PRKN: variants seen among roughly 807,000 people sequenced by gnomAD.
PRKN encodes E3 ubiquitin-protein ligase parkin.
Under a neutral mutation model 59.5 loss-of-function variants are expected in PRKN, and 56 were observed. That is an observed-to-expected ratio of 0.94 (90% CI 0.76 to 1.18). PRKN has a LOEUF of 1.18. Ranked by LOEUF, PRKN falls within the 50% of genes most tolerant of loss-of-function variation. The pLI is 0.00. For synonymous variants in PRKN, 250 were observed against 222.1 expected, an observed-to-expected ratio of 1.13 and a Z score of -1.12; for missense variants, 657 against 596.4, an observed-to-expected ratio of 1.10 and a Z score of -1.06.
chr6:162,055,238 A>G (rs1336005547), intron 4 of PRKN, among the ~76,000 whole-genome samples: 2 of 152,238 alleles, frequency 1.3e-5, no homozygotes, highest in African/African-American at 2.4e-5. Flanking sequence ...GATCAGGAGC[A>G]GCAAATTTCC....
intron 2 of PRKN, among the ~76,000 whole-genome samples, chr6:162,356,747 T>TAA (rs748212596): frequency 1.3e-3 from 95 of 72,996 alleles, no homozygotes; most frequent in Middle Eastern, 0.012. Context: ...TGATTATTAG[T>TAA]AAAAAAAAAA....
intron 6 of PRKN, among the ~76,000 whole-genome samples, chr6:161,929,868 A>AAT (rs1779108918): frequency 1.3e-5 from 2 of 152,210 alleles, no homozygotes; most frequent in Admixed American, 1.3e-4. Context: ...GAAGCCCAAG[A>AAT]ATAATGTCTG....
chr6:161,809,218 G>A (rs1324940791), intron 6 of PRKN, among the ~76,000 whole-genome samples: 1 of 152,046 alleles, frequency 6.6e-6, no homozygotes, highest in Non-Finnish European at 1.5e-5. Flanking sequence ...TACCATATTG[G>A]GTGTACCCCT....
At chr6:161,688,692 A>C (rs1223159664) in intron 7 of PRKN, among the ~76,000 whole-genome samples, 1 of 152,186 alleles carries the variant, frequency 6.6e-6, no homozygotes, top group East Asian at 1.9e-4. Flanking sequence ...TGTGTTAGTG[A>C]AACAGGCAAT....
In PRKN at chr6:162,337,180, C is replaced by A. The variant is rs76285697; in HGVS notation, c.172-74415G>T. Among the ~76,000 whole-genome samples, 447 of 152,216 alleles carry A rather than the reference C, an allele frequency of 2.9e-3. 8 individuals carry two copies. The highest frequency in any genetic ancestry group is 0.027 in the Middle Eastern group (8 of 294). On this transcript the variant is annotated intron_variant, in intron 2 of 11. Coordinates refer to ENST00000366898, the MANE Select transcript of PRKN (RefSeq NM_004562.3). ...TTTAGCCACAAGATTATAGATGCAACCTGTTGAACCATTTAGTATGAATCT... is the reference window on the plus strand; with the variant it reads ...TTTAGCCACAAGATTATAGATGCAAACTGTTGAACCATTTAGTATGAATCT...
At position 161,579,007 on chromosome 6, in the gene PRKN, A is replaced by C. The variant is rs1304504183; in HGVS notation, c.872-9591T>G. Among the ~76,000 whole-genome samples the C allele has an allele frequency of 1.3e-5, 2 of 152,146 alleles. No homozygotes were observed. On this transcript the variant is annotated intron_variant, in intron 7 of 11. Coordinates refer to ENST00000366898, the MANE Select transcript of PRKN (RefSeq NM_004562.3). This position sits in a 1 kb window ranked among gnomAD's most constrained non-coding sequence, Gnocchi z 4.2. ...CCAGCATCCCTCAGATCACAAATTT[A>C]ATTTGGCTGGTCAACACATGAGTGG...
chr6:161,363,969 C>T lies in PRKN; in HGVS notation c.1168-3764G>A, dbSNP rs1444096593. Among the ~76,000 whole-genome samples the T allele has an allele frequency of 1.3e-5, 2 of 152,006 alleles. No individual in the cohort carries two copies. Among genetic ancestry groups the T allele is most frequent in the Middle Eastern group, 3.4e-3 (1 of 294 alleles). On this transcript the variant is annotated intron_variant, in intron 10 of 11. Transcript: ENST00000366898. The surrounding 1 kb of genome is among the most constrained non-coding windows in gnomAD (Gnocchi z 4.1). ...GGTCAGGAGATTGAGACCATCCTGG[C>T]TAACATGCTGAAACCCCATCTCTAC...
At chr6:162,704,495 T>C (rs1008443664) in intron 1 of PRKN, among the ~76,000 whole-genome samples, 1 of 152,196 alleles carries the variant, frequency 6.6e-6, no homozygotes, top group Non-Finnish European at 1.5e-5. Context: ...TTCTATTAGG[T>C]GTACTTAAAC....
chr6:161,495,160 T>C (rs1322200428), intron 9 of PRKN, among the ~76,000 whole-genome samples: 1 of 152,206 alleles, frequency 6.6e-6, no homozygotes, highest in Non-Finnish European at 1.5e-5. Context: ...TATTCTTCTA[T>C]GGTATTAAGT....
chr6:161,355,931 C>T lies in PRKN; in HGVS notation c.1285+4157G>A, dbSNP rs186667644. On this transcript the variant is annotated intron_variant, in intron 11 of 11. Coordinates refer to ENST00000366898, the MANE Select transcript of PRKN (RefSeq NM_004562.3). This position sits in a 1 kb window ranked among gnomAD's most constrained non-coding sequence, Gnocchi z 6.8. ...CGTTGGGTAAAGGGGGAAGCAGACACTGAGATGGAAAGGGAGGAGGGCAGA... is the reference window on the plus strand; with the variant it reads ...CGTTGGGTAAAGGGGGAAGCAGACATTGAGATGGAAAGGGAGGAGGGCAGA... Among the ~76,000 whole-genome samples the T allele has an allele frequency of 6.6e-6, 1 of 152,216 alleles. No individual in the cohort carries two copies. Among genetic ancestry groups the T allele is most frequent in the East Asian group, 1.9e-4 (1 of 5,178 alleles).
At chr6:161,874,971 ATTTATTATATTATATACTT>A (rs1209452893) in intron 6 of PRKN, among the ~76,000 whole-genome samples, 1 of 105,966 alleles carries the variant, frequency 9.4e-6, no homozygotes, top group Non-Finnish European at 1.6e-5. Context: ...ATAATATATA[ATTTATTATATTATATACTT>A]TATATATAAT....
At chr6:162,339,740 T>G (rs548200621) in intron 2 of PRKN, among the ~76,000 whole-genome samples, 4 of 152,064 alleles carry the variant, frequency 2.6e-5, no homozygotes, top group African/African-American at 4.8e-5. Flanking sequence ...ATGGTTGCCG[T>G]GTCTGTGTAG....
chr6:161,392,567 C>A (rs1378529116), intron 9 of PRKN, among the ~76,000 whole-genome samples: 1 of 150,734 alleles, frequency 6.6e-6, no homozygotes, highest in Non-Finnish European at 1.5e-5. Flanking sequence ...TCCAGGTAGC[C>A]ATATGGCAAA....
At chr6:162,335,888 G>T (rs1365893377) in intron 2 of PRKN, among the ~76,000 whole-genome samples, 3 of 151,710 alleles carry the variant, frequency 2.0e-5, no homozygotes, top group Non-Finnish European at 4.4e-5. Context: ...GAGACTTTAA[G>T]TGCTGAAACA....
At chr6:161,946,495 T>A (rs887432781) in intron 6 of PRKN, among the ~76,000 whole-genome samples, 3 of 148,010 alleles carry the variant, frequency 2.0e-5, no homozygotes, top group Admixed American at 6.7e-5. Context: ...ATCCATAGAA[T>A]CCTCAAATGC....
chr6:161,801,354 A>C (rs1033379146), intron 6 of PRKN, among the ~76,000 whole-genome samples: 4 of 152,214 alleles, frequency 2.6e-5, no homozygotes, highest in South Asian at 2.1e-4. Flanking sequence ...GATGTGCAGA[A>C]GTCAGTTTAG....
intron 4 of PRKN, among the ~76,000 whole-genome samples, chr6:162,124,978 G>C (rs1781063707): frequency 6.6e-6 from 1 of 152,132 alleles, no homozygotes; most frequent in African/African-American, 2.4e-5. Context: ...GCCTGGAGAG[G>C]AAGTCAGGGT....
rs144130929 is a variant in PRKN at position 162,137,084 on chromosome 6, C to T, written c.534+64047G>A. 1.8e-3 allele frequency among the ~76,000 whole-genome samples: 272 copies of T among 151,798 alleles called. 4 individuals carry two copies. The highest frequency in any genetic ancestry group is 6.3e-3 in the African/African-American group (258 of 41,228). Reference sequence around the variant, plus strand: ...TTAATGAGACTCTAAAAGAAACACTCAATCTATTCTAAGAAAAATATAGTA... The same window carrying T: ...TTAATGAGACTCTAAAAGAAACACTTAATCTATTCTAAGAAAAATATAGTA... On this transcript the variant is annotated intron_variant, in intron 4 of 11. Transcript: ENST00000366898.
At chr6:161,899,046 C>T (rs532832677) in intron 6 of PRKN, among the ~76,000 whole-genome samples, 1 of 152,346 alleles carries the variant, frequency 6.6e-6, no homozygotes, top group South Asian at 2.1e-4. Flanking sequence ...AGGTTGGCAG[C>T]TGGCTGCACA....
Sources: allele counts gnomAD v4.1 joint callset (sites outside exome capture counted in the v4.1 genomes callset), GRCh38; gene constraint gnomAD v4.1.1; non-coding constraint Gnocchi (gnomAD v3.1); transcripts MANE v1.5; gene names NCBI Gene and HGNC (gene_info 2026-07-23, HGNC 2026-07-21).